Variants in TTC7B observed in about 807,000 individuals in gnomAD.
The protein encoded by TTC7B is tetratricopeptide repeat domain 7B.
A neutral mutation model predicts 106.8 loss-of-function variants in TTC7B; 28 were observed. The observed-to-expected ratio is 0.26, with a 90% CI of 0.19 to 0.36. TTC7B has a LOEUF of 0.36. TTC7B is among the 10% of genes least tolerant of loss of function. The probability of loss-of-function intolerance (pLI) is 1.00; values close to 1 mark genes in which losing one functional copy is unlikely to be tolerated. For synonymous variants in TTC7B, 405 were observed against 430.6 expected, an observed-to-expected ratio of 0.94 and a Z score of 0.74; for missense variants, 862 against 1,076.4, an observed-to-expected ratio of 0.80 and a Z score of 2.79.
Position 90,600,499 on chromosome 14 carries a change from T to C in TTC7B, c.1967-6873A>G, listed in dbSNP as rs1418198620. Among the ~76,000 whole-genome samples the C allele has an allele frequency of 6.6e-6, 1 of 152,168 alleles. No homozygotes were observed. Among genetic ancestry groups the C allele is most frequent in the African/African-American group, 2.4e-5 (1 of 41,444 alleles). On this transcript the variant is annotated intron_variant, in intron 17 of 19. Transcript: ENST00000328459. The surrounding 1 kb of genome is among the most constrained non-coding windows in gnomAD (Gnocchi z 4.3). ...CCATTCTAGTAGACACTTCCATTTT[T>C]CACCAAGTGAAAAAAGGATTAAGAC...
intron 11 of TTC7B, 127 bp from the exon 12 acceptor site, chr14:90,655,237 A>C (rs1158354488): frequency 2.9e-6 from 2 of 700,712 alleles, no homozygotes; most frequent in East Asian, 2.6e-5. Context: ...AAATCTCCCA[A>C]TCCCACTCTG....
chr14:90,556,259 C>T (rs1353292310), intron 19 of TTC7B, among the ~76,000 whole-genome samples: 1 of 152,174 alleles, frequency 6.6e-6, no homozygotes, highest in Non-Finnish European at 1.5e-5. Context: ...TCCCCCCTAC[C>T]CTGAAGCCTG....
At chr14:90,628,164 G>A (rs1327002577) in intron 15 of TTC7B, among the ~76,000 whole-genome samples, 1 of 152,248 alleles carries the variant, frequency 6.6e-6, no homozygotes, top group African/African-American at 2.4e-5. Flanking sequence ...CTCTGGAACA[G>A]GAAGTGTCAA....
chr14:90,615,798 T>C (rs1342885455), intron 16 of TTC7B, among the ~76,000 whole-genome samples: 1 of 152,194 alleles, frequency 6.6e-6, no homozygotes, highest in Non-Finnish European at 1.5e-5. Context: ...GACAGGATGC[T>C]CCTTAATAAG....
chr14:90,621,957 A>G (rs576623600), intron 15 of TTC7B, among the ~76,000 whole-genome samples: 194 of 152,266 alleles, frequency 1.3e-3, no homozygotes, highest in African/African-American at 4.5e-3. Context: ...TATAGATTCG[A>G]TGTGCTGAGG....
intron 19 of TTC7B, among the ~76,000 whole-genome samples, chr14:90,572,585 G>T (rs1322164611): frequency 2.0e-5 from 3 of 152,152 alleles, no homozygotes; most frequent in East Asian, 3.8e-4. Context: ...CCAGATTTCT[G>T]ATGTTTCAGA....
intron 3 of TTC7B, among the ~76,000 whole-genome samples, chr14:90,745,456 C>T (rs1420935458): frequency 6.6e-6 from 1 of 152,064 alleles, no homozygotes; most frequent in East Asian, 1.9e-4. Context: ...AAGAAGGTGC[C>T]TTCTACACCA....
chr14:90,729,372 C>T lies in TTC7B; in HGVS notation c.698+703G>A, dbSNP rs116887845. Among the ~76,000 whole-genome samples, 49 of 152,264 alleles carry T rather than the reference C, an allele frequency of 3.2e-4. No individual in the cohort carries two copies. In the East Asian group the frequency reaches 8.1e-3, roughly 25 times the overall value. On this transcript the variant is annotated intron_variant, in intron 5 of 19. Coordinates refer to ENST00000328459, the MANE Select transcript of TTC7B (RefSeq NM_001010854.2). Reference sequence around the variant, plus strand: ...ACTGGACTACTCTAGAGGAGGGGAACGGGCCTCTAGGGGCCTCCCATGCAA... The same window carrying T: ...ACTGGACTACTCTAGAGGAGGGGAATGGGCCTCTAGGGGCCTCCCATGCAA...
chr14:90,568,704 A>G (rs1034027919), intron 19 of TTC7B, among the ~76,000 whole-genome samples: 2 of 152,186 alleles, frequency 1.3e-5, no homozygotes, highest in African/African-American at 4.8e-5. Context: ...CCAAGCACCA[A>G]GCAGAAAATG....
intron 3 of TTC7B, among the ~76,000 whole-genome samples, chr14:90,771,201 C>T (rs997939501): frequency 4.6e-5 from 7 of 151,976 alleles, no homozygotes; most frequent in African/African-American, 7.3e-5. Flanking sequence ...TTTTGTTATA[C>T]GTGTTTTACC....
At chr14:90,613,581 T>C (rs1892955563) in intron 16 of TTC7B, among the ~76,000 whole-genome samples, 1 of 152,188 alleles carries the variant, frequency 6.6e-6, no homozygotes, top group Non-Finnish European at 1.5e-5. Context: ...CCTAACTTGC[T>C]CACTCTGGAC....
At chr14:90,750,685 T>C (rs1310043029) in intron 3 of TTC7B, among the ~76,000 whole-genome samples, 1 of 152,208 alleles carries the variant, frequency 6.6e-6, no homozygotes, top group Non-Finnish European at 1.5e-5. Context: ...AGCTGGCAAA[T>C]TGATTCCTAG....
intron 3 of TTC7B, among the ~76,000 whole-genome samples, chr14:90,747,225 T>G (rs568142508): frequency 6.6e-6 from 1 of 152,342 alleles, no homozygotes; most frequent in South Asian, 2.1e-4. Context: ...GTAATCTTCC[T>G]TGATTGGCAA....
In TTC7B at chr14:90,605,654, A is replaced by G. The variant is rs777618021; in HGVS notation, c.1966+5088T>C. ...CTGAATGAATGAGCTGCAGGGGGCC[A>G]CACAAAGGTATCGGGTTTGGGAGAA... is the stretch of plus-strand genomic sequence containing the variant. On this transcript the variant is annotated intron_variant, in intron 17 of 19. Transcript: ENST00000328459. 52 of 1,289,224 alleles carry G rather than the reference A, an allele frequency of 4.0e-5. No individual in the cohort carries two copies. The South Asian group carries it at 5.6e-4, about 14-fold the overall frequency. The allele number at this position is 1,289,224 out of a possible 1,614,324, so 79.9% of individuals were successfully genotyped here. A position where few individuals can be genotyped will look rare whatever the true frequency, so the allele number is the denominator to read the frequency against.
chr14:90,816,417 C>A lies in TTC7B; in HGVS notation c.-122G>T, dbSNP rs2031195591. ...TCCGGCTCCCGGCTCCGCGGCGTAA[C>A]GGGAGCGCCGGCTGGGGAAGGGGCG... On this transcript the variant is annotated 5_prime_UTR_variant, in exon 1 of 20. Transcript: ENST00000328459. The A allele has an allele frequency of 6.7e-6, 3 of 447,042 alleles. No individual in the cohort carries two copies. The highest frequency in any genetic ancestry group is 8.8e-6 in the Non-Finnish European group (3 of 341,786). 27.7% of individuals were successfully genotyped at this position (447,042 alleles called of 1,614,324 possible). A position where few individuals can be genotyped will look rare whatever the true frequency, so the allele number is the denominator to read the frequency against.
intron 18 of TTC7B, among the ~76,000 whole-genome samples, chr14:90,591,478 A>G (rs1222756442): frequency 1.3e-5 from 2 of 152,236 alleles, no homozygotes; most frequent in African/African-American, 4.8e-5. Flanking sequence ...GTCTCTGGAT[A>G]ACTGAATTGG....
At chr14:90,566,289 A>G (rs1354390229) in intron 19 of TTC7B, among the ~76,000 whole-genome samples, 5 of 152,070 alleles carry the variant, frequency 3.3e-5, no homozygotes, top group Non-Finnish European at 7.4e-5. Context: ...GGTTGCAGTG[A>G]GCCAAGATCG....
intron 1 of TTC7B, among the ~76,000 whole-genome samples, chr14:90,792,357 G>A (rs1477210954): frequency 9.2e-5 from 14 of 151,982 alleles, no homozygotes; most frequent in Admixed American, 8.5e-4. Context: ...CAGGTGGATC[G>A]CTTGAGGTCA....
chr14:90,787,674 G>A (rs539211705), intron 1 of TTC7B, among the ~76,000 whole-genome samples: 1 of 152,160 alleles, frequency 6.6e-6, no homozygotes, highest in South Asian at 2.1e-4. Flanking sequence ...TAAAACAAAA[G>A]CCTTTTCCAC....
Sources: gnomAD v4.1 joint callset for allele counts (sites outside exome capture counted in the v4.1 genomes callset) on GRCh38, gnomAD v4.1.1 for gene constraint, Gnocchi (gnomAD v3.1) non-coding constraint, MANE v1.5 for transcripts, NCBI Gene and HGNC (gene_info 2026-07-23, HGNC 2026-07-21) for gene names.